Variants in NEBL observed in about 807,000 individuals in gnomAD.
The protein encoded by NEBL is LIM and SH3 protein 2.
In NEBL, 122 loss-of-function variants were observed where a neutral mutation model predicts 140.2. The observed-to-expected ratio is 0.87, with a 90% confidence interval of 0.75 to 1.01. NEBL has a LOEUF of 1.01. Ranked by LOEUF, NEBL falls within the 50% of genes least tolerant of loss-of-function variation. The probability of loss-of-function intolerance (pLI) is 0.00; values close to 1 mark genes in which losing one functional copy is unlikely to be tolerated. For missense variants in NEBL, 1,365 were observed against 1,231.3 expected (o/e 1.11, Z -1.62); for synonymous variants, 436 against 398.9 (o/e 1.09, Z -1.11).
intron 3 of NEBL, among the ~76,000 whole-genome samples, chr10:21,188,281 G>T (rs918860687): frequency 6.6e-6 from 1 of 152,086 alleles, no homozygotes; most frequent in African/African-American, 2.4e-5. Flanking sequence ...ATCAGAAATC[G>T]GAAGTTGTCG....
intron 2 of NEBL, among the ~76,000 whole-genome samples, chr10:21,108,378 T>C (rs1837818933): frequency 6.6e-6 from 1 of 152,214 alleles, no homozygotes; most frequent in Admixed American, 6.5e-5. Flanking sequence ...TTCTCATTGT[T>C]TTCAAAGAAC....
chr10:21,148,011 G>T (rs1025660960), intron 2 of NEBL, among the ~76,000 whole-genome samples: 2 of 152,172 alleles, frequency 1.3e-5, no homozygotes, highest in Non-Finnish European at 2.9e-5. Context: ...GGAGTTCACA[G>T]GATGAAGAAT....
chr10:20,845,779 C>T (rs569432657), intron 11 of NEBL, among the ~76,000 whole-genome samples: 30 of 152,208 alleles, frequency 2.0e-4, no homozygotes, highest in African/African-American at 7.2e-4. Flanking sequence ...ACCCAAGCAG[C>T]ATTAATGTTC....
intron 4 of NEBL, among the ~76,000 whole-genome samples, chr10:20,945,016 T>C (rs776949075): frequency 6.6e-6 from 1 of 152,176 alleles, no homozygotes; most frequent in East Asian, 1.9e-4. Context: ...AACCCTGAAA[T>C]GTAGGGTTAT....
intron 9 of NEBL, among the ~76,000 whole-genome samples, chr10:20,855,510 GAAAAC>G (rs1842975309): frequency 2.2e-5 from 2 of 89,236 alleles, no homozygotes; most frequent in African/African-American, 3.1e-5. Context: ...TCCTATTTAA[GAAAAC>G]AAAACAAAAC....
At chr10:21,201,014 G>A (rs574077548) in intron 3 of NEBL, among the ~76,000 whole-genome samples, 1 of 151,732 alleles carries the variant, frequency 6.6e-6, no homozygotes, top group East Asian at 1.9e-4. Flanking sequence ...CCAGGAGATC[G>A]AGGCTGCAGT....
At chr10:21,051,721 G>C (rs954012003) in intron 2 of NEBL, among the ~76,000 whole-genome samples, 1 of 152,134 alleles carries the variant, frequency 6.6e-6, no homozygotes, top group Non-Finnish European at 1.5e-5. Context: ...AGATTGGCAG[G>C]ATAATTTTCT....
chr10:20,958,803 G>A (rs1337836965), intron 4 of NEBL, among the ~76,000 whole-genome samples: 1 of 152,062 alleles, frequency 6.6e-6, no homozygotes, highest in Non-Finnish European at 1.5e-5. Flanking sequence ...TCAATATGTT[G>A]TCATTACAGC....
At chr10:21,222,177 G>A (rs577137288) in intron 3 of NEBL, among the ~76,000 whole-genome samples, 234 of 152,152 alleles carry the variant, frequency 1.5e-3, no homozygotes, top group Non-Finnish European at 2.8e-3. Flanking sequence ...TGGGCACGGT[G>A]GCTCACACCT....
chr10:20,788,936 T>G (rs1461068153), intron 26 of NEBL, among the ~76,000 whole-genome samples: 1 of 152,208 alleles, frequency 6.6e-6, no homozygotes, highest in Non-Finnish European at 1.5e-5. Context: ...CAAATATTTA[T>G]CAGTTAATGC....
chr10:21,050,812 C>A (rs953596706), intron 2 of NEBL, among the ~76,000 whole-genome samples: 2 of 152,014 alleles, frequency 1.3e-5, no homozygotes, highest in African/African-American at 2.4e-5. Context: ...ATGTAGAATG[C>A]AGAAAAAGTC....
intron 4 of NEBL, among the ~76,000 whole-genome samples, chr10:20,954,408 G>T (rs1010282167): frequency 6.6e-6 from 1 of 152,220 alleles, no homozygotes. Flanking sequence ...TCTTCATAGA[G>T]TTCAGTCTGA....
At chr10:20,993,928 G>C (rs1056439593) in intron 3 of NEBL, among the ~76,000 whole-genome samples, 1 of 152,104 alleles carries the variant, frequency 6.6e-6, no homozygotes, top group African/African-American at 2.4e-5. Flanking sequence ...GCCACCCATC[G>C]TCATCTCACC....
chr10:21,224,684 A>G (rs1842120550), intron 3 of NEBL, among the ~76,000 whole-genome samples: 1 of 152,144 alleles, frequency 6.6e-6, no homozygotes, highest in Admixed American at 6.6e-5. Context: ...TTCTTTCATT[A>G]ATGTTTTACA....
chr10:21,150,282 C>G (rs1445503562), intron 2 of NEBL, among the ~76,000 whole-genome samples: 1 of 152,184 alleles, frequency 6.6e-6, no homozygotes, highest in Non-Finnish European at 1.5e-5. Flanking sequence ...CGGTTGGAAG[C>G]TTTCGCTTCT....
chr10:20,902,288 C>A (rs923438029), upstream of NEBL, among the ~76,000 whole-genome samples: 1 of 151,996 alleles, frequency 6.6e-6, no homozygotes, highest in Admixed American at 6.6e-5. Context: ...TGCCTGTAGT[C>A]CCAGCTACTC....
intron 2 of NEBL, among the ~76,000 whole-genome samples, chr10:21,089,117 G>A (rs765769477): frequency 2.6e-5 from 4 of 152,178 alleles, no homozygotes; most frequent in Admixed American, 2.6e-4. Flanking sequence ...GATTGTGTGG[G>A]AATTAAAGAA....
intron 3 of NEBL, among the ~76,000 whole-genome samples, chr10:21,007,046 G>A (rs11012480): frequency 6.6e-6 from 1 of 151,980 alleles, no homozygotes; most frequent in African/African-American, 2.4e-5. Context: ...TCACTTTGGG[G>A]TTTCTTTCAA....
intron 12 of NEBL, among the ~76,000 whole-genome samples, chr10:20,844,351 G>A (rs912503172): frequency 6.6e-5 from 10 of 150,664 alleles, no homozygotes; most frequent in African/African-American, 2.2e-4. Context: ...TATACATTCC[G>A]TTTATATATC....
Sources: allele counts gnomAD v4.1 joint callset (sites outside exome capture counted in the v4.1 genomes callset), GRCh38; gene constraint gnomAD v4.1.1; transcripts MANE v1.5; gene names NCBI Gene and HGNC (gene_info 2026-07-23, HGNC 2026-07-21).